MGAT4C: variants seen among roughly 807,000 people sequenced by gnomAD.
MGAT4C encodes MGAT4 family member C, also known as alpha-1,3-mannosyl-glycoprotein 4-beta-N-acetylglucosaminyltransferase C.
In MGAT4C, 19 loss-of-function variants were observed where a neutral mutation model predicts 40.1. That is an observed-to-expected ratio of 0.47 (90% CI 0.33 to 0.70). The LOEUF (loss-of-function observed/expected upper bound fraction) is 0.70, where lower values mean the gene tolerates loss of function less well. Among genes scored for constraint, MGAT4C ranks in the 30% least tolerant of loss-of-function variants. The pLI, the probability that MGAT4C is intolerant of heterozygous loss-of-function variation, is 0.02. For missense variants in MGAT4C, 491 were observed against 563.2 expected (o/e 0.87, Z 1.30); for synonymous variants, 181 against 187.1 (o/e 0.97, Z 0.27).
At chr12:86,803,904 T>A (rs1952286158) in intron 1 of MGAT4C, among the ~76,000 whole-genome samples, 2 of 149,006 alleles carry the variant, frequency 1.3e-5, no homozygotes, top group Non-Finnish European at 3.0e-5. Flanking sequence ...GACCCAGCCA[T>A]CCCATTACTG....
At chr12:86,356,281 T>G (rs1955308046) in intron 3 of MGAT4C, among the ~76,000 whole-genome samples, 1 of 151,984 alleles carries the variant, frequency 6.6e-6, no homozygotes, top group African/African-American at 2.4e-5. Flanking sequence ...AAAAATCCAA[T>G]CACAAAACAG....
chr12:86,460,788 T>C (rs1417685627), intron 2 of MGAT4C, among the ~76,000 whole-genome samples: 1 of 152,116 alleles, frequency 6.6e-6, no homozygotes, highest in African/African-American at 2.4e-5. Flanking sequence ...CTAGTCTAAT[T>C]CACGACAGTT....
intron 2 of MGAT4C, among the ~76,000 whole-genome samples, chr12:86,558,443 A>G (rs927479573): frequency 6.6e-6 from 1 of 152,140 alleles, no homozygotes; most frequent in Non-Finnish European, 1.5e-5. Context: ...AGAAAAAGTT[A>G]TAATAACAGC....
At chr12:86,379,678 CT>C (rs577150412) in intron 3 of MGAT4C, among the ~76,000 whole-genome samples, 3 of 151,930 alleles carry the variant, frequency 2.0e-5, no homozygotes, top group East Asian at 3.9e-4. Context: ...TAAAACAATA[CT>C]TTTTTTAGAA....
chr12:86,401,952 T>C (rs1315872115), intron 3 of MGAT4C, among the ~76,000 whole-genome samples: 2 of 152,100 alleles, frequency 1.3e-5, no homozygotes, highest in African/African-American at 2.4e-5. Flanking sequence ...CTTACAAACA[T>C]GTTTATGATT....
chr12:86,616,632 T>A (rs565978536), intron 2 of MGAT4C, among the ~76,000 whole-genome samples: 1 of 152,134 alleles, frequency 6.6e-6, no homozygotes, highest in East Asian at 1.9e-4. Flanking sequence ...ACACAGTACA[T>A]GCTACTCATT....
At chr12:86,688,854 C>T (rs900055105) in intron 2 of MGAT4C, among the ~76,000 whole-genome samples, 6 of 151,978 alleles carry the variant, frequency 3.9e-5, no homozygotes, top group South Asian at 2.1e-4. Context: ...AGTATCTTAG[C>T]GGTGCTCTCT....
At chr12:86,597,055 G>T (rs1349433240) in intron 2 of MGAT4C, among the ~76,000 whole-genome samples, 2 of 152,108 alleles carry the variant, frequency 1.3e-5, no homozygotes, top group African/African-American at 4.8e-5. Flanking sequence ...ACACCATAAA[G>T]TTTTCAGTTT....
At chr12:86,771,723 T>TGC (rs1491563340) in intron 1 of MGAT4C, among the ~76,000 whole-genome samples, 2 of 139,786 alleles carry the variant, frequency 1.4e-5, no homozygotes, top group Admixed American at 1.4e-4. Flanking sequence ...TGTGTGTGTG[T>TGC]ATGTGTGTGT....
chr12:86,579,116 G>A (rs1475016375), intron 2 of MGAT4C, among the ~76,000 whole-genome samples: 1 of 151,396 alleles, frequency 6.6e-6, no homozygotes, highest in Admixed American at 6.6e-5. Context: ...TATTCAGATA[G>A]TCTATGTTTA....
At chr12:86,313,491 A>G (rs1954128184) in intron 4 of MGAT4C, among the ~76,000 whole-genome samples, 1 of 152,226 alleles carries the variant, frequency 6.6e-6, no homozygotes, top group African/African-American at 2.4e-5. Flanking sequence ...CTATGCATCC[A>G]TTAAAAGCAT....
chr12:86,393,483 A>G (rs1276460299), intron 3 of MGAT4C, among the ~76,000 whole-genome samples: 1 of 152,174 alleles, frequency 6.6e-6, no homozygotes, highest in Non-Finnish European at 1.5e-5. Flanking sequence ...TTTCCAATAA[A>G]ACACATTTAG....
intron 2 of MGAT4C, among the ~76,000 whole-genome samples, chr12:85,992,324 C>A (rs546108898): frequency 6.6e-6 from 1 of 152,258 alleles, no homozygotes; most frequent in African/African-American, 2.4e-5. Context: ...TCATGCATAT[C>A]TAGCTGTCAC....
chr12:86,664,896 T>A (rs950758209), intron 2 of MGAT4C, among the ~76,000 whole-genome samples: 1 of 152,184 alleles, frequency 6.6e-6, no homozygotes. Context: ...ATTATTCAAC[T>A]ATCATAGGTC....
intron 1 of MGAT4C, among the ~76,000 whole-genome samples, chr12:86,734,385 T>C (rs1275434830): frequency 4.6e-5 from 7 of 152,016 alleles, no homozygotes; most frequent in Admixed American, 3.3e-4. Context: ...GGGGAATGCA[T>C]GTGCAGGGGC....
At chr12:86,348,995 G>T (rs190827666) in intron 3 of MGAT4C, among the ~76,000 whole-genome samples, 21 of 152,160 alleles carry the variant, frequency 1.4e-4, no homozygotes, top group Admixed American at 9.8e-4. Flanking sequence ...CACACCTACT[G>T]ACTAAAATTA....
At chr12:86,279,904 A>T (rs1371870751) in intron 4 of MGAT4C, among the ~76,000 whole-genome samples, 1 of 151,972 alleles carries the variant, frequency 6.6e-6, no homozygotes, top group African/African-American at 2.4e-5. Flanking sequence ...ATTCAGGAGC[A>T]TACTGTTTAA....
At chr12:86,429,743 T>C (rs1472725664) in intron 3 of MGAT4C, among the ~76,000 whole-genome samples, 2 of 152,192 alleles carry the variant, frequency 1.3e-5, no homozygotes, top group Non-Finnish European at 2.9e-5. Flanking sequence ...TGTTATTATA[T>C]GACTTGTTGT....
chr12:86,268,902 G>A (rs1295028980), intron 4 of MGAT4C, among the ~76,000 whole-genome samples: 1 of 133,426 alleles, frequency 7.5e-6, no homozygotes, highest in Non-Finnish European at 1.6e-5. Flanking sequence ...TTTTTTTTTT[G>A]CCTGAAAAAC....
Sources: allele counts gnomAD v4.1 joint callset (sites outside exome capture counted in the v4.1 genomes callset), GRCh38; gene constraint gnomAD v4.1.1; transcripts MANE v1.5; gene names NCBI Gene and HGNC (gene_info 2026-07-23, HGNC 2026-07-21).